The following ZNF423 variants were observed in gnomAD, a reference collection of about 807,000 sequenced individuals.
The protein encoded by ZNF423 is zinc finger protein 423, also known as Ebf-associated zinc finger protein.
A neutral mutation model predicts 95.8 loss-of-function variants in ZNF423; 12 were observed. That is an observed-to-expected ratio of 0.13 (90% CI 0.08 to 0.20). The LOEUF is 0.20. ZNF423 is among the 10% of genes least tolerant of loss of function. The pLI is 1.00. For missense variants in ZNF423, 1,316 were observed against 1,737.1 expected (o/e 0.76, Z 4.31); for synonymous variants, 749 against 711.9 (o/e 1.05, Z -0.83).
chr16:49,834,347 G>A (rs920056992), intron 1 of ZNF423, among the ~76,000 whole-genome samples: 1 of 152,128 alleles, frequency 6.6e-6, no homozygotes, highest in Non-Finnish European at 1.5e-5. Flanking sequence ...TGGGAACACA[G>A]GCGTGTTTGA....
At chr16:49,665,717 C>T (rs2030508605) in intron 3 of ZNF423, among the ~76,000 whole-genome samples, 1 of 152,172 alleles carries the variant, frequency 6.6e-6, no homozygotes, top group South Asian at 2.1e-4. Flanking sequence ...CCATCAGCAC[C>T]TCTGGAGGCC....
intron 7 of ZNF423, among the ~76,000 whole-genome samples, chr16:49,501,526 A>C (rs1040551909): frequency 2.0e-5 from 3 of 152,196 alleles, no homozygotes; most frequent in African/African-American, 7.2e-5. Context: ...CCATTACTGC[A>C]GATGCATCCA....
intron 3 of ZNF423, among the ~76,000 whole-genome samples, chr16:49,695,262 C>T (rs1296690785): frequency 2.6e-5 from 4 of 152,158 alleles, no homozygotes; most frequent in Non-Finnish European, 5.9e-5. Flanking sequence ...TATAGGTATG[C>T]ACCACCATAC....
At chr16:49,796,128 G>A (rs1007137597) in intron 1 of ZNF423, among the ~76,000 whole-genome samples, 5 of 152,022 alleles carry the variant, frequency 3.3e-5, no homozygotes, top group African/African-American at 1.2e-4. Context: ...GCTGATTGAC[G>A]AATGGGAGTA....
intron 3 of ZNF423, among the ~76,000 whole-genome samples, chr16:49,660,145 T>C (rs1484485117): frequency 6.6e-6 from 1 of 152,214 alleles, no homozygotes; most frequent in Non-Finnish European, 1.5e-5. Flanking sequence ...AGCCCTGGAT[T>C]CCTGGATCCC....
At chr16:49,542,328 C>T (rs1478615528) in intron 5 of ZNF423, among the ~76,000 whole-genome samples, 1 of 152,224 alleles carries the variant, frequency 6.6e-6, no homozygotes, top group Non-Finnish European at 1.5e-5. Flanking sequence ...CGGGCTCTGC[C>T]ACTGAGTGTC....
intron 3 of ZNF423, among the ~76,000 whole-genome samples, chr16:49,665,626 G>A (rs1285999087): frequency 3.9e-5 from 6 of 152,052 alleles, no homozygotes. Flanking sequence ...AGCCTCCTCC[G>A]CTCCTCACTC....
chr16:49,607,736 C>A (rs369390852), intron 5 of ZNF423, among the ~76,000 whole-genome samples: 1 of 152,214 alleles, frequency 6.6e-6, no homozygotes, highest in East Asian at 1.9e-4. Context: ...AACAATCTGG[C>A]ATGTTTTTAT....
At chr16:49,523,846 C>T (rs993521550) in intron 6 of ZNF423, 107 bp from the exon 7 acceptor site, 1 of 856,686 alleles carries the variant, frequency 1.2e-6, no homozygotes, top group Non-Finnish European at 1.9e-6. Flanking sequence ...GGCATAGGTA[C>T]AGTCAGCCAA....
intron 5 of ZNF423, among the ~76,000 whole-genome samples, chr16:49,616,131 A>G (rs995016727): frequency 2.0e-5 from 3 of 152,166 alleles, no homozygotes; most frequent in African/African-American, 7.2e-5. Context: ...TGCAATATTC[A>G]TGCTTACTGC....
chr16:49,775,531 T>A (rs2034106801), intron 2 of ZNF423, among the ~76,000 whole-genome samples: 1 of 152,220 alleles, frequency 6.6e-6, no homozygotes, highest in African/African-American at 2.4e-5. Context: ...TGGACACATG[T>A]CATGTACCCT....
chr16:49,798,776 G>A (rs77646500), intron 1 of ZNF423, among the ~76,000 whole-genome samples: 2,739 of 152,250 alleles, frequency 0.018, 71 homozygotes, highest in African/African-American at 0.063. Flanking sequence ...CAGCACCTCT[G>A]GAAGCTGCCA....
chr16:49,790,928 C>G (rs981872308), intron 1 of ZNF423, among the ~76,000 whole-genome samples: 1 of 152,192 alleles, frequency 6.6e-6, no homozygotes, highest in Non-Finnish European at 1.5e-5. Context: ...TCTGCTAGAA[C>G]AGTGGCCCAA....
intron 1 of ZNF423, among the ~76,000 whole-genome samples, chr16:49,815,898 ATATATATATATATATATTTTTTTTTTT>A (rs1260074067): frequency 2.3e-4 from 11 of 47,752 alleles, no homozygotes; most frequent in East Asian, 1.7e-3. Context: ...ATATATATAT[ATATATATATATATATATTTTTTTTTTT>A]TTTTTTTTTT....
chr16:49,654,233 G>A (rs140220561), intron 3 of ZNF423, among the ~76,000 whole-genome samples: 3 of 152,298 alleles, frequency 2.0e-5, no homozygotes, highest in African/African-American at 7.2e-5. Context: ...CTTCATTCAG[G>A]CCATGGTGGT....
At chr16:49,781,374 GAGGTACGTGGGTCCC>G (rs1165158044) in intron 2 of ZNF423, among the ~76,000 whole-genome samples, 2 of 152,208 alleles carry the variant, frequency 1.3e-5, no homozygotes, top group East Asian at 1.9e-4. Flanking sequence ...ACTAAGGTGA[GAGGTACGTGGGTCCC>G]AGGATCACAG....
intron 3 of ZNF423, among the ~76,000 whole-genome samples, chr16:49,707,614 CAAA>C (rs55751184): frequency 3.7e-5 from 2 of 54,784 alleles, no homozygotes. Context: ...GAGACTGTCT[CAAA>C]AAAAAAAAAA....
At chr16:49,528,802 GC>G (rs1353132175) in intron 5 of ZNF423, among the ~76,000 whole-genome samples, 1 of 151,702 alleles carries the variant, frequency 6.6e-6, no homozygotes, top group Non-Finnish European at 1.5e-5. Context: ...GGGAGGGGCT[GC>G]CCTAGTTAGT....
intron 2 of ZNF423, among the ~76,000 whole-genome samples, chr16:49,744,998 G>A (rs1351232313): frequency 6.6e-6 from 1 of 152,128 alleles, no homozygotes; most frequent in African/African-American, 2.4e-5. Flanking sequence ...TCCTATCAGA[G>A]CTCCACGATC....
Sources: allele counts gnomAD v4.1 joint callset (sites outside exome capture counted in the v4.1 genomes callset), GRCh38; gene constraint gnomAD v4.1.1; transcripts MANE v1.5; gene names NCBI Gene and HGNC (gene_info 2026-07-23, HGNC 2026-07-21).